The following GBE1 variants were observed in gnomAD, a reference collection of about 807,000 sequenced individuals.
GBE1 encodes the protein 1,4-alpha-glucan branching enzyme 1.
In GBE1, 70 loss-of-function variants were observed where a neutral mutation model predicts 88.8. The observed-to-expected ratio is 0.79, with a 90% CI of 0.65 to 0.96. GBE1 has a LOEUF of 0.96. Ranked by LOEUF, GBE1 falls within the 40% of genes least tolerant of loss-of-function variation. The pLI is 0.00. For missense variants in GBE1, 872 were observed against 871.0 expected (o/e 1.00, Z -0.01); for synonymous variants, 284 against 300.1 (o/e 0.95, Z 0.56).
At chr3:81,734,646 T>C (rs1490778816) in intron 1 of GBE1, among the ~76,000 whole-genome samples, 1 of 152,150 alleles carries the variant, frequency 6.6e-6, no homozygotes, top group Non-Finnish European at 1.5e-5. Flanking sequence ...AAGGTCTCCA[T>C]GAGCCATATT....
At chr3:81,509,662 C>T (rs928079338) in intron 14 of GBE1, 1 of 151,624 alleles carries the variant, frequency 6.6e-6, no homozygotes, top group East Asian at 1.9e-4. Flanking sequence ...CAGTCTCCTC[C>T]TTGGGTTTTA....
chr3:81,523,422 A>G (rs1702899627), intron 14 of GBE1, among the ~76,000 whole-genome samples: 1 of 151,610 alleles, frequency 6.6e-6, no homozygotes, highest in African/African-American at 2.4e-5. Context: ...ACAGGATACA[A>G]TATGTAATAA....
At chr3:81,700,574 CAG>C (rs1383480022) in intron 2 of GBE1, among the ~76,000 whole-genome samples, 1 of 152,042 alleles carries the variant, frequency 6.6e-6, no homozygotes, top group Non-Finnish European at 1.5e-5. Context: ...TCACTGAAAA[CAG>C]ATTACAGTTC....
At chr3:81,703,939 A>G (rs1035562836) in intron 2 of GBE1, among the ~76,000 whole-genome samples, 1 of 151,994 alleles carries the variant, frequency 6.6e-6, no homozygotes, top group Non-Finnish European at 1.5e-5. Flanking sequence ...CATTTTATAC[A>G]AGAGACTTAA....
rs1385414901 is a variant in GBE1, at chr3:81,591,130, G to A, written c.1143C>T (p.Phe381=). 2.5e-6 allele frequency: 4 copies of A among 1,605,842 alleles called. No individual in the cohort carries two copies. The highest frequency in any genetic ancestry group is 1.7e-5 in the Admixed American group (1 of 59,094). Residue 381 remains phenylalanine, a synonymous_variant, in exon 9 of 16, where the codon TTC becomes TTT. Transcript: ENST00000429644. ...QGFSGDYSEY[F]GLQVDEDALT... ...AGGCATCTTCATCTACTTGTAGTCC[G>A]AAATATTCACTGTAATCACCTGAGA...
At chr3:81,635,063 C>T (rs1704572947) in intron 7 of GBE1, among the ~76,000 whole-genome samples, 1 of 152,166 alleles carries the variant, frequency 6.6e-6, no homozygotes, top group Non-Finnish European at 1.5e-5. Context: ...ACTTGGCTAT[C>T]ATGCTGTTTT....
chr3:81,563,581 G>A (rs1703449568), intron 12 of GBE1, among the ~76,000 whole-genome samples: 1 of 152,030 alleles, frequency 6.6e-6, no homozygotes, highest in African/African-American at 2.4e-5. Flanking sequence ...TCCTAGAGTA[G>A]CAATCTATTC....
intron 7 of GBE1, among the ~76,000 whole-genome samples, chr3:81,615,843 A>T (rs1704241981): frequency 6.6e-6 from 1 of 152,218 alleles, no homozygotes; most frequent in African/African-American, 2.4e-5. Flanking sequence ...TTAGTTTTAC[A>T]AGAAACTACT....
At chr3:81,727,695 G>A (rs966232607) in intron 1 of GBE1, among the ~76,000 whole-genome samples, 3 of 152,090 alleles carry the variant, frequency 2.0e-5, no homozygotes, top group African/African-American at 7.2e-5. Flanking sequence ...CAAATTTCAA[G>A]CTAAAGTACA....
chr3:81,572,781 T>A (rs1240399530), intron 12 of GBE1, among the ~76,000 whole-genome samples: 1 of 152,330 alleles, frequency 6.6e-6, no homozygotes, highest in East Asian at 1.9e-4. Flanking sequence ...TCATATTATA[T>A]GGAATTAAAA....
At chr3:81,633,267 A>G (rs899802604) in intron 7 of GBE1, among the ~76,000 whole-genome samples, 1 of 152,196 alleles carries the variant, frequency 6.6e-6, no homozygotes, top group African/African-American at 2.4e-5. Context: ...TATAATTGAG[A>G]CACTGGGGGA....
chr3:81,689,199 A>G (rs1576200523), intron 2 of GBE1, among the ~76,000 whole-genome samples: 1 of 152,180 alleles, frequency 6.6e-6, no homozygotes, highest in Non-Finnish European at 1.5e-5. Flanking sequence ...TTGCTACTCT[A>G]TGTCATGCTG....
chr3:81,589,513 A>T (rs566450923), intron 9 of GBE1, among the ~76,000 whole-genome samples: 1,507 of 144,180 alleles, frequency 0.01, 17 homozygotes, highest in African/African-American at 0.032. Flanking sequence ...ATCTTTTTTT[A>T]AAAAAAAAAA....
chr3:81,606,323 G>A (rs1704100930), intron 7 of GBE1, among the ~76,000 whole-genome samples: 1 of 152,160 alleles, frequency 6.6e-6, no homozygotes, highest in Non-Finnish European at 1.5e-5. Flanking sequence ...TAATGACACG[G>A]AGGAATTGCT....
chr3:81,500,299 G>T lies in GBE1; in HGVS notation c.1935-1072C>A, dbSNP rs116271273. ...TGCAAATGATGACTACCAGGCACAGGGACATTTAAAGTCACTCAATATAGC... is the reference window on the plus strand; with the variant it reads ...TGCAAATGATGACTACCAGGCACAGTGACATTTAAAGTCACTCAATATAGC... On this transcript the variant is annotated intron_variant, in intron 14 of 15. Transcript: ENST00000429644. Among the ~76,000 whole-genome samples, 783 of 152,018 alleles carry T rather than the reference G, an allele frequency of 5.2e-3. 8 individuals are homozygous for T. Among genetic ancestry groups the T allele is most frequent in the Middle Eastern group, 0.01 (3 of 294 alleles).
At chr3:81,732,928 G>A (rs955133504) in intron 1 of GBE1, among the ~76,000 whole-genome samples, 1 of 152,060 alleles carries the variant, frequency 6.6e-6, no homozygotes, top group African/African-American at 2.4e-5. Flanking sequence ...CTTTCTTACT[G>A]CTCTGTCCCT....
At chr3:81,695,379 A>G (rs1705576304) in intron 2 of GBE1, among the ~76,000 whole-genome samples, 1 of 152,258 alleles carries the variant, frequency 6.6e-6, no homozygotes, top group Non-Finnish European at 1.5e-5. Flanking sequence ...GCTAAATGAA[A>G]GAAGCCAGAC....
intron 10 of GBE1, among the ~76,000 whole-genome samples, chr3:81,584,403 A>T (rs1242869040): frequency 6.6e-6 from 1 of 152,186 alleles, no homozygotes; most frequent in East Asian, 1.9e-4. Flanking sequence ...TATAGGGAGA[A>T]TGGGAGCCAC....
chr3:81,634,463 T>C (rs2107042317), intron 7 of GBE1, among the ~76,000 whole-genome samples: 1 of 152,338 alleles, frequency 6.6e-6, no homozygotes, highest in African/African-American at 2.4e-5. Flanking sequence ...ATTATTAGTG[T>C]TGTAATTAGC....
Sources: gnomAD v4.1 joint callset for allele counts (sites outside exome capture counted in the v4.1 genomes callset) on GRCh38, gnomAD v4.1.1 for gene constraint, MANE v1.5 for transcripts, NCBI Gene and HGNC (gene_info 2026-07-23, HGNC 2026-07-21) for gene names.